Variants in CHSY3 observed in about 807,000 individuals in gnomAD.
CHSY3 encodes the protein N-acetylgalactosaminyl-proteoglycan 3-beta-glucuronosyltransferase 3.
Under a neutral mutation model 67.2 loss-of-function variants are expected in CHSY3, and 35 were observed. The ratio of observed to expected loss-of-function variants is 0.52; its 90% CI spans 0.40 to 0.69. CHSY3 has a LOEUF of 0.69. Ranked by LOEUF, CHSY3 falls within the 30% of genes least tolerant of loss-of-function variation. The probability of loss-of-function intolerance (pLI) is 0.00; values close to 1 mark genes in which losing one functional copy is unlikely to be tolerated. For missense variants in CHSY3, 1,069 were observed against 1,138.5 expected (o/e 0.94, Z 0.88); for synonymous variants, 474 against 434.7 (o/e 1.09, Z -1.12).
chr5:130,123,894 A>G (rs1238354227), intron 2 of CHSY3, among the ~76,000 whole-genome samples: 5 of 151,834 alleles, frequency 3.3e-5, no homozygotes, highest in Admixed American at 1.3e-4. Flanking sequence ...CATCTCTACT[A>G]AAAATACAAA....
intron 2 of CHSY3, among the ~76,000 whole-genome samples, chr5:130,020,260 A>G (rs1162068529): frequency 1.3e-5 from 2 of 151,526 alleles, no homozygotes; most frequent in Non-Finnish European, 2.9e-5. Flanking sequence ...TCTACTAAAA[A>G]TACAAAAAAA....
Position 130,184,572 on chromosome 5 carries a change from C to T in CHSY3, c.1430C>T (p.Ala477Val). The part of the protein sequence containing the change: ...EFLTGKLLYS[A>V]AENQPPRQSL... Reference sequence around the variant, plus strand: ...CTGACAGGGAAGCTTCTATACTCAGCAGCTGAGAACCAGCCCCCTCGACAG... The same window carrying T: ...CTGACAGGGAAGCTTCTATACTCAGTAGCTGAGAACCAGCCCCCTCGACAG... The change falls in exon 3 of 3, where the codon GCA (alanine) becomes GTA (valine). Residue 477 changes from alanine to valine, a missense_variant. Ala to Val is a moderately conservative substitution (Grantham distance 64). Coordinates refer to ENST00000305031, the MANE Select transcript of CHSY3 (RefSeq NM_175856.5). The T allele has an allele frequency of 6.2e-7, 1 of 1,609,872 alleles. No homozygotes were observed. Among genetic ancestry groups the T allele is most frequent in the Non-Finnish European group, 8.5e-7 (1 of 1,176,098 alleles).
intron 2 of CHSY3, among the ~76,000 whole-genome samples, chr5:129,938,656 G>A (rs114275795): frequency 0.014 from 2,164 of 152,206 alleles, 53 homozygotes; most frequent in African/African-American, 0.049. Flanking sequence ...CTAGAGTAGG[G>A]GCACAATGTC....
At chr5:130,107,241 A>T (rs947686934) in intron 2 of CHSY3, among the ~76,000 whole-genome samples, 1 of 151,352 alleles carries the variant, frequency 6.6e-6, no homozygotes, top group Non-Finnish European at 1.5e-5. Context: ...AATAAAACTG[A>T]TCTAATTTGC....
intron 2 of CHSY3, among the ~76,000 whole-genome samples, chr5:130,164,808 T>G (rs909541195): frequency 6.6e-6 from 1 of 152,156 alleles, no homozygotes; most frequent in African/African-American, 2.4e-5. Context: ...AATTATAATT[T>G]GATTAAATAG....
intron 2 of CHSY3, among the ~76,000 whole-genome samples, chr5:129,908,794 A>C (rs1214018230): frequency 1.3e-5 from 2 of 152,178 alleles, no homozygotes; most frequent in Non-Finnish European, 2.9e-5. Context: ...TTTGTTTTTA[A>C]ATGGTTAAAA....
At chr5:129,947,961 T>C (rs1317195265) in intron 2 of CHSY3, among the ~76,000 whole-genome samples, 1 of 152,170 alleles carries the variant, frequency 6.6e-6, no homozygotes, top group East Asian at 1.9e-4. Flanking sequence ...AGATTATTTG[T>C]TTTTGGGCTA....
chr5:130,056,527 G>T (rs1765537506), intron 2 of CHSY3, among the ~76,000 whole-genome samples: 1 of 152,166 alleles, frequency 6.6e-6, no homozygotes, highest in Non-Finnish European at 1.5e-5. Flanking sequence ...AAAAGCAAAG[G>T]ATACATGGAA....
intron 2 of CHSY3, chr5:130,114,259 C>A (rs1767702900): frequency 6.6e-6 from 1 of 152,030 alleles, no homozygotes; most frequent in South Asian, 2.1e-4. Flanking sequence ...GAAAAAAGTT[C>A]ATGTGATGGT....
chr5:130,047,845 AT>A (rs986685999), intron 2 of CHSY3, among the ~76,000 whole-genome samples: 1 of 151,856 alleles, frequency 6.6e-6, no homozygotes, highest in Non-Finnish European at 1.5e-5. Flanking sequence ...AATTTTGTTA[AT>A]TCAAATTTTA....
chr5:130,001,922 C>A, intron 2 of CHSY3: 1 of 877,768 alleles, frequency 1.1e-6, no homozygotes, highest in Non-Finnish European at 1.4e-6. Flanking sequence ...AAAATTCTGG[C>A]TAGTTCCTTT....
At chr5:130,092,827 T>C (rs1205895711) in intron 2 of CHSY3, among the ~76,000 whole-genome samples, 1 of 152,022 alleles carries the variant, frequency 6.6e-6, no homozygotes, top group African/African-American at 2.4e-5. Flanking sequence ...AGGGAAGAAA[T>C]GGAACCATGT....
intron 2 of CHSY3, among the ~76,000 whole-genome samples, chr5:130,173,781 T>C (rs1769965270): frequency 6.6e-6 from 1 of 152,072 alleles, no homozygotes; most frequent in Non-Finnish European, 1.5e-5. Context: ...GAATGAAATA[T>C]GTATGTTTAT....
At chr5:130,051,007 A>G (rs529363158) in intron 2 of CHSY3, among the ~76,000 whole-genome samples, 1 of 152,326 alleles carries the variant, frequency 6.6e-6, no homozygotes, top group South Asian at 2.1e-4. Context: ...AATATAAAAT[A>G]TATTCTTAAA....
chr5:130,020,433 A>C (rs1764337051), intron 2 of CHSY3, among the ~76,000 whole-genome samples: 1 of 1,502 alleles, frequency 6.7e-4, no homozygotes, highest in African/African-American at 1.2e-3. Flanking sequence ...ATATATATAT[A>C]TATATATATA....
intron 2 of CHSY3, among the ~76,000 whole-genome samples, chr5:130,158,642 T>C (rs114929565): frequency 6.6e-6 from 1 of 152,134 alleles, no homozygotes; most frequent in African/African-American, 2.4e-5. Flanking sequence ...CAAGGGAGAA[T>C]GAATTTTCTA....
chr5:130,169,689 G>GAAA (rs34736549), intron 2 of CHSY3, among the ~76,000 whole-genome samples: 6 of 147,796 alleles, frequency 4.1e-5, no homozygotes, highest in Non-Finnish European at 4.5e-5. Context: ...TGGGAGCACA[G>GAAA]AAAAAAAAAA....
intron 2 of CHSY3, among the ~76,000 whole-genome samples, chr5:130,160,036 A>G (rs1580789761): frequency 6.6e-6 from 1 of 152,176 alleles, no homozygotes; most frequent in African/African-American, 2.4e-5. Context: ...GTTACTGGAG[A>G]TACTCTGTTT....
chr5:130,057,242 T>G (rs1226902698), intron 2 of CHSY3, among the ~76,000 whole-genome samples: 1 of 152,138 alleles, frequency 6.6e-6, no homozygotes, highest in Non-Finnish European at 1.5e-5. Context: ...AGCATTTCTT[T>G]TTTTAAAAAA....
Sources: gnomAD v4.1 joint callset for allele counts (sites outside exome capture counted in the v4.1 genomes callset) on GRCh38, gnomAD v4.1.1 for gene constraint, MANE v1.5 for transcripts, NCBI Gene and HGNC (gene_info 2026-07-23, HGNC 2026-07-21) for gene names.